Variants in LUZP2 observed in about 807,000 individuals in gnomAD.
LUZP2 encodes the protein leucine zipper protein 2.
Under a neutral mutation model 51.6 loss-of-function variants are expected in LUZP2, and 52 were observed. The ratio of observed to expected loss-of-function variants is 1.01; its 90% CI spans 0.81 to 1.27. The LOEUF (loss-of-function observed/expected upper bound fraction) is 1.27, where lower values mean the gene tolerates loss of function less well. LUZP2 is among the 50% of genes most tolerant of loss of function. The pLI, the probability that LUZP2 is intolerant of heterozygous loss-of-function variation, is 0.00. For missense variants in LUZP2, 436 were observed against 395.4 expected (o/e 1.10, Z -0.87); for synonymous variants, 154 against 137.3 (o/e 1.12, Z -0.85).
chr11:24,931,082 G>C (rs903543422), intron 7 of LUZP2, among the ~76,000 whole-genome samples: 1 of 151,742 alleles, frequency 6.6e-6, no homozygotes, highest in Non-Finnish European at 1.5e-5. Flanking sequence ...ATGGTGGCGC[G>C]TGCCTGTAAT....
In LUZP2 at chr11:25,077,347, A is replaced by G; in HGVS notation, c.877A>G (p.Met293Val). ...TTTGTAGGAGGGCAGACCGTGTTCCATGAAGCACAAAGAAAGTCCCCCAAG... is the reference window on the plus strand; with the variant it reads ...TTTGTAGGAGGGCAGACCGTGTTCCGTGAAGCACAAAGAAAGTCCCCCAAG... ...DSQDEGRPCS[M>V]KHKESPPSNA... The change falls in exon 11 of 12, where the codon ATG (methionine) becomes GTG (valine). Residue 293 changes from methionine (M) to valine (V), a missense_variant. By Grantham distance (21) the Met-to-Val change is conservative. Coordinates refer to ENST00000336930, the MANE Select transcript of LUZP2 (RefSeq NM_001009909.4). 1 of 1,612,798 alleles carries G rather than the reference A, an allele frequency of 6.2e-7. No homozygotes were observed. The highest frequency in any genetic ancestry group is 8.5e-7 in the Non-Finnish European group (1 of 1,179,060).
intron 7 of LUZP2, among the ~76,000 whole-genome samples, chr11:24,975,004 C>A (rs1329578842): frequency 2.6e-5 from 4 of 152,030 alleles, no homozygotes; most frequent in Non-Finnish European, 4.4e-5. Flanking sequence ...TAGAGATCCA[C>A]CAGCTTGCTT....
At chr11:25,013,909 C>T (rs955081016) in intron 9 of LUZP2, among the ~76,000 whole-genome samples, 1 of 152,050 alleles carries the variant, frequency 6.6e-6, no homozygotes, top group African/African-American at 2.4e-5. Context: ...GTCCCCCCAC[C>T]CCATGACAGG....
intron 5 of LUZP2, among the ~76,000 whole-genome samples, chr11:24,802,841 C>T (rs776266967): frequency 5.9e-5 from 9 of 152,000 alleles, no homozygotes; most frequent in Non-Finnish European, 1.0e-4. Context: ...GTCATGAGTA[C>T]TCCTCCTTCA....
intron 7 of LUZP2, among the ~76,000 whole-genome samples, chr11:24,927,510 T>C (rs564206050): frequency 6.6e-6 from 1 of 152,090 alleles, no homozygotes; most frequent in East Asian, 1.9e-4. Flanking sequence ...CTTTCCCCAC[T>C]TTATGTTTTG....
chr11:24,850,248 T>A (rs1013557927), intron 5 of LUZP2, among the ~76,000 whole-genome samples: 2 of 152,226 alleles, frequency 1.3e-5, no homozygotes, highest in South Asian at 4.1e-4. Context: ...AGGAGTTTTA[T>A]GGTTTTAGGT....
chr11:24,944,615 G>A (rs927639882), intron 7 of LUZP2, among the ~76,000 whole-genome samples: 1 of 152,144 alleles, frequency 6.6e-6, no homozygotes, highest in Non-Finnish European at 1.5e-5. Context: ...ATATTTTGAA[G>A]AGAAGTTGAG....
intron 5 of LUZP2, among the ~76,000 whole-genome samples, chr11:24,847,526 G>A (rs924690132): frequency 6.6e-6 from 1 of 152,092 alleles, no homozygotes; most frequent in South Asian, 2.1e-4. Flanking sequence ...TTTACTGGAG[G>A]CACATTATGT....
rs2403992 is a variant in LUZP2 at position 24,786,467 on chromosome 11, G to A, written c.396+23159G>A. On this transcript the variant is annotated intron_variant, in intron 5 of 11. Coordinates refer to ENST00000336930, the MANE Select transcript of LUZP2 (RefSeq NM_001009909.4). ...AATTCTGCGTAAATATCATATTAAC[G>A]ACTGCCTATTTGTAACACCTTCCCC... 0.013 allele frequency: 12,903 copies of A among 980,432 alleles called. 1,205 individuals carry two copies. The African/African-American group carries it at 0.2, about 15-fold the overall frequency. The allele number at this position is 980,432 out of a possible 1,614,324, so 60.7% of individuals were successfully genotyped here. A position where few individuals can be genotyped will look rare whatever the true frequency, so the allele number is the denominator to read the frequency against.
At chr11:24,624,826 AT>A (rs1171289524) in intron 1 of LUZP2, among the ~76,000 whole-genome samples, 1 of 152,176 alleles carries the variant, frequency 6.6e-6, no homozygotes, top group East Asian at 1.9e-4. Context: ...AAAGGGTAGT[AT>A]TATTATAATT....
chr11:24,929,989 C>T (rs1451311575), intron 7 of LUZP2, among the ~76,000 whole-genome samples: 1 of 152,104 alleles, frequency 6.6e-6, no homozygotes, highest in Non-Finnish European at 1.5e-5. Context: ...TAATGTCTGT[C>T]TTCGACTTTT....
Position 24,671,311 on chromosome 11 carries a change from C to A in LUZP2, c.63-57858C>A, listed in dbSNP as rs903803595. On this transcript the variant is annotated intron_variant, in intron 1 of 11. Transcript: ENST00000336930. The stretch of plus-strand genomic sequence containing the variant: ...TTTGTAAATTTTATCTGAAGTTTTT[C>A]TCCTTGAACTGAAAATATTCCCCTC... Among the ~76,000 whole-genome samples, 7 of 151,830 alleles carry A rather than the reference C, an allele frequency of 4.6e-5. No individual in the cohort carries two copies. The East Asian group carries it at 1.2e-3, about 25-fold the overall frequency.
chr11:24,620,467 A>G (rs1349977634), intron 1 of LUZP2, among the ~76,000 whole-genome samples: 4 of 152,146 alleles, frequency 2.6e-5, no homozygotes, highest in African/African-American at 9.7e-5. Flanking sequence ...CAGTGGTAAT[A>G]TTTGCACCTG....
intron 5 of LUZP2, among the ~76,000 whole-genome samples, chr11:24,896,940 T>G (rs1438215902): frequency 2.0e-5 from 3 of 152,160 alleles, no homozygotes; most frequent in African/African-American, 7.2e-5. Flanking sequence ...AATACACCAA[T>G]CAGCACTCTG....
At chr11:24,788,915 A>C (rs139039078) in intron 5 of LUZP2, among the ~76,000 whole-genome samples, 35 of 152,278 alleles carry the variant, frequency 2.3e-4, no homozygotes, top group Non-Finnish European at 4.7e-4. Flanking sequence ...CTTACAAGCC[A>C]CCAATTCAAA....
intron 5 of LUZP2, among the ~76,000 whole-genome samples, chr11:24,869,416 C>G (rs2134263106): frequency 6.6e-6 from 1 of 152,110 alleles, no homozygotes; most frequent in African/African-American, 2.4e-5. Flanking sequence ...GTGTCACATT[C>G]TGGGAATTCT....
chr11:24,563,904 A>T (rs892253254), intron 1 of LUZP2, among the ~76,000 whole-genome samples: 11 of 152,264 alleles, frequency 7.2e-5, no homozygotes, highest in Admixed American at 7.2e-4. Context: ...TTTGAAGCAG[A>T]GTAATAATTA....
intron 10 of LUZP2, among the ~76,000 whole-genome samples, chr11:25,071,858 T>G (rs1348166710): frequency 7.1e-6 from 1 of 141,156 alleles, no homozygotes; most frequent in Non-Finnish European, 1.6e-5. Flanking sequence ...TAAAAAAAAA[T>G]AAATAAATCA....
At chr11:24,774,036 G>A (rs564701146) in intron 5 of LUZP2, among the ~76,000 whole-genome samples, 3 of 152,030 alleles carry the variant, frequency 2.0e-5, no homozygotes, top group South Asian at 2.1e-4. Context: ...TGCCAAAGGA[G>A]GTTAACATTT....
Sources: gnomAD v4.1 joint callset for allele counts (sites outside exome capture counted in the v4.1 genomes callset) on GRCh38, gnomAD v4.1.1 for gene constraint, MANE v1.5 for transcripts, NCBI Gene and HGNC (gene_info 2026-07-23, HGNC 2026-07-21) for gene names.